PLCXD3: variants seen among roughly 807,000 people sequenced by gnomAD.
PLCXD3 encodes the protein PI-PLC X domain-containing protein 3.
PLCXD3 carries 19 observed loss-of-function variants against 25.5 expected under a neutral mutation model. The observed-to-expected ratio is 0.75, with a 90% confidence interval of 0.52 to 1.09. The LOEUF (loss-of-function observed/expected upper bound fraction) is 1.09. PLCXD3 is among the 50% of genes least tolerant of loss of function. The probability of loss-of-function intolerance (pLI) is 0.00; values close to 1 mark genes in which losing one functional copy is unlikely to be tolerated. For synonymous variants in PLCXD3, 174 were observed against 137.6 expected, an observed-to-expected ratio of 1.26 and a Z score of -1.85; for missense variants, 411 against 388.1, an observed-to-expected ratio of 1.06 and a Z score of -0.50.
At chr5:41,476,192 T>C (rs1463819660) in intron 1 of PLCXD3, among the ~76,000 whole-genome samples, 1 of 152,210 alleles carries the variant, frequency 6.6e-6, no homozygotes, top group Non-Finnish European at 1.5e-5. Flanking sequence ...CTGTACATTA[T>C]CTCATTTGAT....
intron 2 of PLCXD3, among the ~76,000 whole-genome samples, chr5:41,316,226 C>T (rs573217329): frequency 2.0e-5 from 3 of 152,264 alleles, no homozygotes; most frequent in African/African-American, 7.2e-5. Flanking sequence ...CAGGCCCTAG[C>T]TCCCAGATGA....
rs1345605470 is a variant in PLCXD3 at position 41,499,456 on chromosome 5, C to A, written c.103+10968G>T. Among the ~76,000 whole-genome samples the A allele has an allele frequency of 2.6e-5, 4 of 151,708 alleles. No individual in the cohort carries two copies. The East Asian group carries it at 7.7e-4, about 29-fold the overall frequency. On this transcript the variant is annotated intron_variant, in intron 1 of 2. Coordinates refer to ENST00000377801, the MANE Select transcript of PLCXD3 (RefSeq NM_001005473.3). ...ACTTAACAAAGGAGACAAAAGATTT[C>A]ACTGAAAATTGCAAAACGTTGCAGA... is the stretch of plus-strand genomic sequence containing the variant.
In PLCXD3 at chr5:41,489,604, C is replaced by A. The variant is rs1310303287; in HGVS notation, c.103+20820G>T. On this transcript the variant is annotated intron_variant, in intron 1 of 2. Coordinates refer to ENST00000377801, the MANE Select transcript of PLCXD3 (RefSeq NM_001005473.3). ...ATTTGTTTGTATCCTCTTTTATTTC[C>A]TTGAGCAGTGGTTTGTAGTTCTCCT... is the stretch of plus-strand genomic sequence containing the variant. Among the ~76,000 whole-genome samples, 430 of 150,410 alleles carry A rather than the reference C, an allele frequency of 2.9e-3. 1 individual carries two copies. The highest frequency in any genetic ancestry group is 5.0e-3 in the Non-Finnish European group (335 of 66,920).
intron 1 of PLCXD3, among the ~76,000 whole-genome samples, chr5:41,497,053 A>T (rs1380113651): frequency 2.6e-5 from 4 of 151,788 alleles, no homozygotes; most frequent in Non-Finnish European, 1.5e-5. Flanking sequence ...ACGAAGAAAA[A>T]ATCTACAGAA....
chr5:41,312,102 T>A lies in PLCXD3; in HGVS notation c.*1515A>T, dbSNP rs1344057718. ...ATTATTGTGCTCTAAGTTTTTTTTT[T>A]TTATTTTTTAGAGTTGTCAAATATC... On this transcript the variant is annotated 3_prime_UTR_variant, in exon 3 of 3. Coordinates refer to ENST00000377801, the MANE Select transcript of PLCXD3 (RefSeq NM_001005473.3). 1 of 152,494 alleles carries A rather than the reference T, an allele frequency of 6.6e-6. No individual in the cohort carries two copies. Among genetic ancestry groups the A allele is most frequent in the African/African-American group, 2.4e-5 (1 of 41,392 alleles). 9.4% of individuals were successfully genotyped at this position (152,494 alleles called of 1,614,324 possible).
At position 41,335,664 on chromosome 5, in the gene PLCXD3, C is replaced by T. The variant is rs144672981; in HGVS notation, c.813-21894G>A. ...GTGAGATCCTGGAAACTGCTGGTCT[C>T]CATGGCATTCATACATTTGCTCATA... is the stretch of plus-strand genomic sequence containing the variant. On this transcript the variant is annotated intron_variant, in intron 2 of 2. Transcript: ENST00000377801. Among the ~76,000 whole-genome samples the T allele has an allele frequency of 3.3e-4, 50 of 152,210 alleles. No individual in the cohort carries two copies. In the East Asian group the frequency reaches 5.6e-3, roughly 17 times the overall value.
At chr5:41,441,900 T>A (rs994083903) in intron 1 of PLCXD3, among the ~76,000 whole-genome samples, 2 of 152,190 alleles carry the variant, frequency 1.3e-5, no homozygotes, top group Non-Finnish European at 2.9e-5. Context: ...TCAGAAAAAA[T>A]TTTAACTCTT....
intron 1 of PLCXD3, among the ~76,000 whole-genome samples, chr5:41,474,822 C>T (rs965750913): frequency 2.6e-5 from 4 of 152,120 alleles, no homozygotes; most frequent in Non-Finnish European, 5.9e-5. Context: ...AGAATTAATC[C>T]CATGTATCCT....
chr5:41,491,030 T>G lies in PLCXD3; in HGVS notation c.103+19394A>C, dbSNP rs1219546184. Among the ~76,000 whole-genome samples the G allele has an allele frequency of 2.4e-3, 369 of 152,102 alleles. 2 individuals carry two copies. The highest frequency in any genetic ancestry group is 8.4e-3 in the African/African-American group (349 of 41,514). ...TAGTTCTTTTAATTGTGATGTTAGG[T>G]TGTCAATTTTGGATCTTTCCTGCTT... On this transcript the variant is annotated intron_variant, in intron 1 of 2. Coordinates refer to ENST00000377801, the MANE Select transcript of PLCXD3 (RefSeq NM_001005473.3).
intron 1 of PLCXD3, among the ~76,000 whole-genome samples, chr5:41,414,903 C>A (rs1488342425): frequency 6.6e-6 from 1 of 152,138 alleles, no homozygotes; most frequent in Non-Finnish European, 1.5e-5. Context: ...TTAAATAACT[C>A]TTATTTTATG....
chr5:41,461,308 T>C (rs1357883364), intron 1 of PLCXD3, among the ~76,000 whole-genome samples: 1 of 151,982 alleles, frequency 6.6e-6, no homozygotes, highest in Non-Finnish European at 1.5e-5. Context: ...GACTGAAACA[T>C]TTTTTCTTTC....
intron 2 of PLCXD3, among the ~76,000 whole-genome samples, chr5:41,363,629 A>G (rs1423610524): frequency 6.6e-6 from 1 of 152,192 alleles, no homozygotes; most frequent in African/African-American, 2.4e-5. Flanking sequence ...GAGGAAAGAA[A>G]AATCCATCTC....
intron 2 of PLCXD3, among the ~76,000 whole-genome samples, chr5:41,359,003 T>C (rs1389876289): frequency 6.6e-6 from 1 of 152,178 alleles, no homozygotes; most frequent in African/African-American, 2.4e-5. Context: ...TAATTCTTTT[T>C]ATGTGGCGTA....
intron 2 of PLCXD3, among the ~76,000 whole-genome samples, chr5:41,328,645 T>A (rs1392232161): frequency 6.6e-6 from 1 of 152,092 alleles, no homozygotes. Flanking sequence ...AAAGGCATCT[T>A]CAAACTGATT....
At chr5:41,315,672 T>A (rs1430333898) in intron 2 of PLCXD3, among the ~76,000 whole-genome samples, 5 of 152,210 alleles carry the variant, frequency 3.3e-5, no homozygotes, top group African/African-American at 1.2e-4. Context: ...AAAGCAGTCC[T>A]GAATCACTGA....
At chr5:41,344,743 TC>T (rs1744253253) in intron 2 of PLCXD3, among the ~76,000 whole-genome samples, 1 of 151,984 alleles carries the variant, frequency 6.6e-6, no homozygotes, top group Non-Finnish European at 1.5e-5. Flanking sequence ...GAAAAAAATA[TC>T]CTAATTCAGA....
At chr5:41,441,973 CTGTT>C (rs905195372) in intron 1 of PLCXD3, among the ~76,000 whole-genome samples, 6 of 152,164 alleles carry the variant, frequency 3.9e-5, no homozygotes, top group African/African-American at 1.4e-4. Context: ...TTTAAAAACT[CTGTT>C]TGTAAAAGCA....
intron 1 of PLCXD3, among the ~76,000 whole-genome samples, chr5:41,408,255 T>C (rs1746409535): frequency 6.6e-6 from 1 of 152,202 alleles, no homozygotes; most frequent in Non-Finnish European, 1.5e-5. Flanking sequence ...TGCTGCTCTT[T>C]CAAGGCCCAC....
intron 1 of PLCXD3, among the ~76,000 whole-genome samples, chr5:41,475,908 T>C (rs537844421): frequency 2.0e-5 from 3 of 152,346 alleles, no homozygotes; most frequent in South Asian, 2.1e-4. Context: ...TCTCTGCTTC[T>C]AGTGAGCAAA....
Sources: allele counts gnomAD v4.1 joint callset (sites outside exome capture counted in the v4.1 genomes callset), GRCh38; gene constraint gnomAD v4.1.1; transcripts MANE v1.5; gene names NCBI Gene and HGNC (gene_info 2026-07-23, HGNC 2026-07-21).